CTNNA2: variants seen among roughly 807,000 people sequenced by gnomAD.
The protein encoded by CTNNA2 is catenin alpha-2.
A neutral mutation model predicts 101.0 loss-of-function variants in CTNNA2; 42 were observed. The observed-to-expected ratio is 0.42, with a 90% CI of 0.32 to 0.54. The LOEUF (loss-of-function observed/expected upper bound fraction) is 0.54, where lower values mean the gene tolerates loss of function less well. Among genes scored for constraint, CTNNA2 ranks in the 20% least tolerant of loss-of-function variants. CTNNA2 has a pLI of 0.14. For missense variants in CTNNA2, 871 were observed against 1,223.1 expected, an observed-to-expected ratio of 0.71 and a Z score of 4.29; for synonymous variants, 450 against 456.4, an observed-to-expected ratio of 0.99 and a Z score of 0.18.
intron 7 of CTNNA2, among the ~76,000 whole-genome samples, chr2:80,154,611 G>C (rs1281497128): frequency 6.6e-6 from 1 of 152,216 alleles, no homozygotes; most frequent in East Asian, 1.9e-4. Flanking sequence ...TGGGTATTTT[G>C]TGTTTGTCAG....
At chr2:79,365,766 G>A (rs1677736484) in intron 3 of CTNNA2, among the ~76,000 whole-genome samples, 2 of 151,920 alleles carry the variant, frequency 1.3e-5, no homozygotes, top group African/African-American at 4.8e-5. Context: ...CTTCTTTGTG[G>A]TTCTTTCAGC....
At chr2:80,485,448 C>T (rs1418006350) in intron 9 of CTNNA2, among the ~76,000 whole-genome samples, 1 of 152,174 alleles carries the variant, frequency 6.6e-6, no homozygotes, top group African/African-American at 2.4e-5. Flanking sequence ...GTTGTATTCA[C>T]CCTGGAGCCT....
At chr2:80,244,516 G>A (rs1176349457) in intron 7 of CTNNA2, among the ~76,000 whole-genome samples, 1 of 152,094 alleles carries the variant, frequency 6.6e-6, no homozygotes, top group Non-Finnish European at 1.5e-5. Context: ...TACTGGCCTG[G>A]GCACGTGAAG....
intron 1 of CTNNA2, among the ~76,000 whole-genome samples, chr2:79,589,832 A>G (rs1573419230): frequency 6.6e-6 from 1 of 152,074 alleles, no homozygotes; most frequent in East Asian, 1.9e-4. Context: ...ACCAAGCTAC[A>G]GGTGTCTTCT....
intron 4 of CTNNA2, among the ~76,000 whole-genome samples, chr2:79,418,572 C>A (rs1473235657): frequency 2.6e-5 from 4 of 152,088 alleles, no homozygotes; most frequent in African/African-American, 7.2e-5. Flanking sequence ...TGAGTATAAG[C>A]CCCATCACTG....
intron 7 of CTNNA2, among the ~76,000 whole-genome samples, chr2:80,180,599 T>C (rs1345995061): frequency 6.6e-6 from 1 of 152,194 alleles, no homozygotes; most frequent in African/African-American, 2.4e-5. Flanking sequence ...GTGACTGCGG[T>C]TCCTCTTGTA....
intron 15 of CTNNA2, among the ~76,000 whole-genome samples, chr2:80,601,421 C>CTTTTTTTTTTT (rs56921519): frequency 7.1e-5 from 6 of 84,384 alleles, no homozygotes; most frequent in African/African-American, 2.9e-4. Context: ...TTCTTTCTTT[C>CTTTTTTTTTTT]TTTTTTTTTT....
intron 12 of CTNNA2, among the ~76,000 whole-genome samples, chr2:80,572,340 G>A (rs143444786): frequency 2.0e-4 from 30 of 152,154 alleles, no homozygotes; most frequent in African/African-American, 2.6e-4. Context: ...ATATTTTTCC[G>A]TATTGATTTG....
At chr2:79,547,333 G>T (rs537800550) in intron 1 of CTNNA2, 18 of 152,254 alleles carry the variant, frequency 1.2e-4, no homozygotes, top group African/African-American at 4.3e-4. Flanking sequence ...TCCCATATGA[G>T]AAATTGTTTG....
chr2:80,361,539 A>G (rs932352605), intron 7 of CTNNA2, among the ~76,000 whole-genome samples: 1 of 152,126 alleles, frequency 6.6e-6, no homozygotes, highest in Admixed American at 6.5e-5. Context: ...AAGACAACAC[A>G]TCAGTAGTTT....
chr2:79,235,952 G>T (rs1242493558), intron 2 of CTNNA2, among the ~76,000 whole-genome samples: 3 of 152,102 alleles, frequency 2.0e-5, no homozygotes, highest in Admixed American at 1.3e-4. Context: ...CTGAGTTTAG[G>T]CATAAGCAGG....
At chr2:79,259,627 G>A (rs1311813774) in intron 2 of CTNNA2, among the ~76,000 whole-genome samples, 1 of 152,252 alleles carries the variant, frequency 6.6e-6, no homozygotes, top group Non-Finnish European at 1.5e-5. Flanking sequence ...TGAGTTGGGG[G>A]CCCAGGGGTG....
intron 16 of CTNNA2, among the ~76,000 whole-genome samples, chr2:80,607,234 G>T (rs1442400530): frequency 6.6e-6 from 1 of 151,736 alleles, no homozygotes; most frequent in Non-Finnish European, 1.5e-5. Flanking sequence ...ATAGTATTAA[G>T]GATCTGGTGA....
chr2:80,370,527 CTT>C (rs1675346976), intron 7 of CTNNA2, among the ~76,000 whole-genome samples: 2 of 152,044 alleles, frequency 1.3e-5, no homozygotes, highest in African/African-American at 4.8e-5. Context: ...AGCCAGAAGA[CTT>C]TGGTGTGTCA....
At chr2:80,556,210 G>C (rs533885517) in intron 12 of CTNNA2, among the ~76,000 whole-genome samples, 1 of 152,292 alleles carries the variant, frequency 6.6e-6, no homozygotes, top group African/African-American at 2.4e-5. Context: ...TTTATGACTT[G>C]AGAAAATTAT....
At chr2:79,870,997 T>G (rs1487876119) in intron 5 of CTNNA2, among the ~76,000 whole-genome samples, 1 of 152,254 alleles carries the variant, frequency 6.6e-6, no homozygotes, top group Non-Finnish European at 1.5e-5. Context: ...CTCTGTTTGC[T>G]CACTGGATAC....
In CTNNA2 at chr2:80,581,723, G is replaced by C; in HGVS notation, c.1911G>C (p.Glu637Asp). ...GTCTTTAGACCCCAGAAGAACTAGA[G>C]GATGATTCTGACTTTGAGCAGGAAG... is the stretch of plus-strand genomic sequence containing the variant. ...VLMIRTPEEL[E>D]DDSDFEQEDY... is the part of the protein sequence containing the mutation. Residue 637 changes from glutamate to aspartate, a missense_variant, in exon 14 of 19, where the codon GAG becomes GAC. Glu to Asp is a conservative substitution (Grantham distance 45). Coordinates refer to ENST00000402739, the MANE Select transcript of CTNNA2 (RefSeq NM_001282597.3). 6.2e-7 allele frequency: 1 copy of C among 1,610,538 alleles called. No individual in the cohort carries two copies. Among genetic ancestry groups the C allele is most frequent in the African/African-American group, 1.3e-5 (1 of 74,872 alleles).
chr2:79,523,415 G>T, intron 1 of CTNNA2: 1 of 200,426 alleles, frequency 5.0e-6, no homozygotes, highest in Non-Finnish European at 1.0e-5. Context: ...TCTCCACACT[G>T]GCTCAAAAAC....
At chr2:79,449,552 A>G (rs1219727936) in intron 4 of CTNNA2, among the ~76,000 whole-genome samples, 1 of 152,074 alleles carries the variant, frequency 6.6e-6, no homozygotes, top group African/African-American at 2.4e-5. Flanking sequence ...TAACTCGTTA[A>G]AAAATAAAAG....
Sources: gnomAD v4.1 joint callset for allele counts (sites outside exome capture counted in the v4.1 genomes callset) on GRCh38, gnomAD v4.1.1 for gene constraint, MANE v1.5 for transcripts, NCBI Gene and HGNC (gene_info 2026-07-23, HGNC 2026-07-21) for gene names.